AGBL4: variants seen among roughly 807,000 people sequenced by gnomAD.
AGBL4 encodes the protein cytosolic carboxypeptidase 6.
In AGBL4, 58 loss-of-function variants were observed where a neutral mutation model predicts 66.4. That is an observed-to-expected ratio of 0.87 (90% CI 0.71 to 1.09). The LOEUF is 1.09. Ranked by LOEUF, AGBL4 falls within the 50% of genes least tolerant of loss-of-function variation. The pLI is 0.00. For synonymous variants in AGBL4, 234 were observed against 222.9 expected (o/e 1.05, Z -0.44); for missense variants, 579 against 631.0 (o/e 0.92, Z 0.88).
intron 5 of AGBL4, among the ~76,000 whole-genome samples, chr1:48,877,993 A>G (rs1263633108): frequency 6.6e-6 from 1 of 152,080 alleles, no homozygotes; most frequent in Admixed American, 6.6e-5. Context: ...TGGAATATAA[A>G]CTGGAATATA....
At chr1:49,757,915 T>G (rs1299856776) in intron 2 of AGBL4, among the ~76,000 whole-genome samples, 1 of 152,212 alleles carries the variant, frequency 6.6e-6, no homozygotes. Context: ...TGTTAATTGA[T>G]AAGACTATGG....
intron 2 of AGBL4, among the ~76,000 whole-genome samples, chr1:49,844,309 A>C (rs1646080204): frequency 6.6e-6 from 1 of 152,018 alleles, no homozygotes; most frequent in East Asian, 1.9e-4. Flanking sequence ...TGGCTGCCAC[A>C]TTGCTCCTTC....
intron 3 of AGBL4, among the ~76,000 whole-genome samples, chr1:49,460,796 AGTG>A (rs1340335005): frequency 2.0e-5 from 3 of 151,558 alleles, no homozygotes; most frequent in African/African-American, 7.3e-5. Context: ...CTGTCTTGGG[AGTG>A]GTGAATACTC....
At chr1:49,774,735 G>A (rs749784584) in intron 2 of AGBL4, among the ~76,000 whole-genome samples, 14 of 152,246 alleles carry the variant, frequency 9.2e-5, no homozygotes, top group East Asian at 1.9e-4. Flanking sequence ...GTGAAGACAG[G>A]TTATGCAAAA....
chr1:49,473,101 G>A (rs777635196), intron 3 of AGBL4, among the ~76,000 whole-genome samples: 1 of 152,034 alleles, frequency 6.6e-6, no homozygotes, highest in Non-Finnish European at 1.5e-5. Flanking sequence ...GGTGAATAGT[G>A]CTGAGATAAT....
chr1:49,014,795 C>T (rs768484008), intron 5 of AGBL4, among the ~76,000 whole-genome samples: 4 of 152,078 alleles, frequency 2.6e-5, no homozygotes, highest in Non-Finnish European at 4.4e-5. Flanking sequence ...TGAGCAGTAG[C>T]CATATAACTT....
At chr1:49,773,720 G>A (rs1267067136) in intron 2 of AGBL4, among the ~76,000 whole-genome samples, 3 of 152,218 alleles carry the variant, frequency 2.0e-5, no homozygotes, top group East Asian at 1.9e-4. Context: ...TATCAGGCCA[G>A]GGGTGATCAT....
intron 4 of AGBL4, among the ~76,000 whole-genome samples, chr1:49,210,667 A>G (rs146325112): frequency 2.0e-5 from 3 of 152,014 alleles, no homozygotes; most frequent in Non-Finnish European, 4.4e-5. Flanking sequence ...GCCAACCCCC[A>G]ACAGCCACAG....
At chr1:48,995,388 AC>A in intron 5 of AGBL4, among the ~76,000 whole-genome samples, 1 of 152,330 alleles carries the variant, frequency 6.6e-6, no homozygotes, top group South Asian at 2.1e-4. Flanking sequence ...AGGTCAGTCT[AC>A]AGATATTTAT....
At chr1:48,852,494 C>T (rs542510892) in intron 6 of AGBL4, among the ~76,000 whole-genome samples, 25 of 152,290 alleles carry the variant, frequency 1.6e-4, no homozygotes, top group Admixed American at 5.9e-4. Flanking sequence ...TGCCTGAATT[C>T]AGTAGCAGCC....
intron 1 of AGBL4, among the ~76,000 whole-genome samples, chr1:49,916,781 A>G (rs943493345): frequency 2.0e-5 from 3 of 152,160 alleles, no homozygotes; most frequent in African/African-American, 4.8e-5. Context: ...ACACATAATT[A>G]TCAGATTCAC....
At chr1:48,595,868 G>A (rs1184857895) in intron 9 of AGBL4, among the ~76,000 whole-genome samples, 3 of 152,210 alleles carry the variant, frequency 2.0e-5, no homozygotes, top group Non-Finnish European at 2.9e-5. Context: ...CAGCACTTCG[G>A]AGTTTATCAC....
At chr1:49,093,846 T>G (rs772980376) in intron 4 of AGBL4, among the ~76,000 whole-genome samples, 7 of 152,154 alleles carry the variant, frequency 4.6e-5, no homozygotes, top group Non-Finnish European at 1.0e-4. Flanking sequence ...AAAATGTCTA[T>G]CTAGACTCTG....
intron 2 of AGBL4, among the ~76,000 whole-genome samples, chr1:49,761,130 C>T (rs991868666): frequency 4.8e-5 from 7 of 147,118 alleles, no homozygotes; most frequent in African/African-American, 1.5e-4. Context: ...ACATGCATCC[C>T]GTTTTTTTTT....
chr1:49,899,679 G>T (rs907447294), intron 1 of AGBL4, among the ~76,000 whole-genome samples: 1 of 152,084 alleles, frequency 6.6e-6, no homozygotes, highest in Non-Finnish European at 1.5e-5. Flanking sequence ...AATCAGATTT[G>T]AGTAAAATGG....
chr1:48,829,717 G>GA (rs922833890), intron 6 of AGBL4, among the ~76,000 whole-genome samples: 3,372 of 145,004 alleles, frequency 0.023, 35 homozygotes, highest in Admixed American at 0.033. Flanking sequence ...TGGAAAGCAG[G>GA]AAAAAAAAAA....
At chr1:48,807,471 T>C (rs768996363) in intron 6 of AGBL4, among the ~76,000 whole-genome samples, 67 of 152,066 alleles carry the variant, frequency 4.4e-4, no homozygotes, top group Non-Finnish European at 6.5e-4. Context: ...TGTAGAGAAA[T>C]AACTCAAATT....
chr1:48,653,253 A>C, intron 8 of AGBL4, 84 bp downstream of exon 8: 1 of 1,127,022 alleles, frequency 8.9e-7, no homozygotes, highest in Non-Finnish European at 1.3e-6. Context: ...ATTCTTCCTC[A>C]AAAAATATAT....
chr1:48,674,472 TCA>T (rs1215958019), intron 6 of AGBL4, among the ~76,000 whole-genome samples: 1 of 132,216 alleles, frequency 7.6e-6, no homozygotes, highest in Non-Finnish European at 1.6e-5. Flanking sequence ...CGTCGTTCAC[TCA>T]CAGAGAGGCC....
Sources: gnomAD v4.1 joint callset for allele counts (sites outside exome capture counted in the v4.1 genomes callset) on GRCh38, gnomAD v4.1.1 for gene constraint, MANE v1.5 for transcripts, NCBI Gene and HGNC (gene_info 2026-07-23, HGNC 2026-07-21) for gene names.